SCN8A: variants seen among roughly 807,000 people sequenced by gnomAD.
The protein encoded by SCN8A is sodium channel protein type 8 subunit alpha.
In SCN8A, 30 loss-of-function variants were observed where a neutral mutation model predicts 184.1. The observed-to-expected ratio is 0.16, with a 90% CI of 0.12 to 0.22. SCN8A has a LOEUF of 0.22. Among genes scored for constraint, SCN8A ranks in the 10% least tolerant of loss-of-function variants. The pLI is 1.00. For synonymous variants in SCN8A, 852 were observed against 907.0 expected (o/e 0.94, Z 1.09); for missense variants, 1,057 against 2,498.9 (o/e 0.42, Z 12.30).
intron 26 of SCN8A, among the ~76,000 whole-genome samples, chr12:51,803,068 C>T (rs1458125570): frequency 6.6e-6 from 1 of 152,218 alleles, no homozygotes; most frequent in African/African-American, 2.4e-5. Flanking sequence ...TGAAGTCCCA[C>T]AGCAGGCCAT....
chr12:51,806,247 C>G lies in SCN8A; in HGVS notation c.4796-35C>G. On this transcript the variant is annotated intron_variant, in intron 26 of 26. Coordinates refer to ENST00000627620, the MANE Select transcript of SCN8A (RefSeq NM_001330260.2). This position sits in a 1 kb window ranked among gnomAD's most constrained non-coding sequence, Gnocchi z 8.7. ...AATAAAGAGAAAGGGTGTCTCCCAT[C>G]TCAATAACATAACTTCTTCTATTCC... 1 of 1,494,408 alleles carries G rather than the reference C, an allele frequency of 6.7e-7. No homozygotes were observed. Among genetic ancestry groups the G allele is most frequent in the Non-Finnish European group, 8.9e-7 (1 of 1,121,732 alleles). 92.6% of individuals were successfully genotyped at this position (1,494,408 alleles called of 1,614,324 possible). A position where few individuals can be genotyped will look rare whatever the true frequency, so the allele number is the denominator to read the frequency against.
At chr12:51,746,903 A>T (rs1256806400) in intron 13 of SCN8A, among the ~76,000 whole-genome samples, 1 of 152,128 alleles carries the variant, frequency 6.6e-6, no homozygotes, top group African/African-American at 2.4e-5. Flanking sequence ...ATTTATGTTG[A>T]TTTAGCTGAG....
chr12:51,653,383 G>A (rs1940758097), intron 1 of SCN8A, among the ~76,000 whole-genome samples: 1 of 152,062 alleles, frequency 6.6e-6, no homozygotes, highest in South Asian at 2.1e-4. Flanking sequence ...CTGTCTTTAT[G>A]CATTTGACTA....
At chr12:51,654,598 C>T (rs987337686) in intron 1 of SCN8A, among the ~76,000 whole-genome samples, 13 of 151,932 alleles carry the variant, frequency 8.6e-5, no homozygotes, top group African/African-American at 2.9e-4. Context: ...TATAGATTTG[C>T]AGTAAGTTTT....
intron 1 of SCN8A, among the ~76,000 whole-genome samples, chr12:51,592,324 A>G (rs928985417): frequency 2.0e-5 from 3 of 151,664 alleles, no homozygotes; most frequent in Non-Finnish European, 4.4e-5. Flanking sequence ...CTAACTTTCC[A>G]GGGGTTAGCC....
At chr12:51,675,199 C>T (rs904207233) in intron 2 of SCN8A, among the ~76,000 whole-genome samples, 5 of 152,148 alleles carry the variant, frequency 3.3e-5, no homozygotes, top group Non-Finnish European at 7.3e-5. Context: ...CCTGCCCTGC[C>T]CTGGGAAGCA....
At chr12:51,735,786 G>C (rs1942315711) in intron 12 of SCN8A, among the ~76,000 whole-genome samples, 1 of 152,152 alleles carries the variant, frequency 6.6e-6, no homozygotes, top group Non-Finnish European at 1.5e-5. Flanking sequence ...CTCGGCATCT[G>C]GCTCCTGATA....
At chr12:51,604,607 G>A (rs1459312595) in intron 1 of SCN8A, among the ~76,000 whole-genome samples, 2 of 151,954 alleles carry the variant, frequency 1.3e-5, no homozygotes, top group Non-Finnish European at 2.9e-5. Flanking sequence ...TCAGCTCACC[G>A]CAACCTCCGC....
At chr12:51,656,010 T>G (rs957552297) in intron 1 of SCN8A, among the ~76,000 whole-genome samples, 1 of 152,232 alleles carries the variant, frequency 6.6e-6, no homozygotes, top group South Asian at 2.1e-4. Flanking sequence ...ATATAACTTA[T>G]GGATGAAGCA....
chr12:51,640,509 A>G (rs548874803), intron 1 of SCN8A, among the ~76,000 whole-genome samples: 1 of 151,940 alleles, frequency 6.6e-6, no homozygotes, highest in African/African-American at 2.4e-5. Flanking sequence ...CCCAAGCAGC[A>G]ATAGGTAAGA....
intron 1 of SCN8A, among the ~76,000 whole-genome samples, chr12:51,622,590 G>C (rs1285594170): frequency 6.6e-6 from 1 of 152,194 alleles, no homozygotes; most frequent in Admixed American, 6.5e-5. Context: ...GACTACTACA[G>C]AGGTGAAGTG....
chr12:51,612,407 A>T (rs1164067936), intron 1 of SCN8A, among the ~76,000 whole-genome samples: 1 of 152,160 alleles, frequency 6.6e-6, no homozygotes, highest in African/African-American at 2.4e-5. Flanking sequence ...CAAGTGATCC[A>T]CTCACCTTGG....
chr12:51,597,681 CTTATT>C (rs1939378632), intron 1 of SCN8A, among the ~76,000 whole-genome samples: 1 of 152,080 alleles, frequency 6.6e-6, no homozygotes. Context: ...TTCTTCTCTC[CTTATT>C]TTAATAGTAT....
chr12:51,607,915 T>G (rs1051461724), intron 1 of SCN8A, among the ~76,000 whole-genome samples: 7 of 152,138 alleles, frequency 4.6e-5, no homozygotes, highest in African/African-American at 1.4e-4. Context: ...TTTTCTGGTT[T>G]TGGTATTAGG....
At chr12:51,700,942 T>G (rs531976861) in intron 7 of SCN8A, among the ~76,000 whole-genome samples, 122 of 152,340 alleles carry the variant, frequency 8.0e-4, no homozygotes, top group Non-Finnish European at 1.6e-3. Flanking sequence ...TCAAGAACTT[T>G]GGGATAGCAC....
intron 2 of SCN8A, among the ~76,000 whole-genome samples, chr12:51,670,955 A>G (rs1941120662): frequency 6.6e-6 from 1 of 152,202 alleles, no homozygotes; most frequent in Admixed American, 6.5e-5. Context: ...TTAGGGAAAC[A>G]CATAACAAAC....
At chr12:51,597,370 A>G (rs1313582955) in intron 1 of SCN8A, among the ~76,000 whole-genome samples, 1 of 152,168 alleles carries the variant, frequency 6.6e-6, no homozygotes, top group Non-Finnish European at 1.5e-5. Flanking sequence ...TCAGCTGATT[A>G]GTGTAGTTTT....
chr12:51,779,111 C>G (rs1212840771), intron 20 of SCN8A, among the ~76,000 whole-genome samples: 1 of 151,592 alleles, frequency 6.6e-6, no homozygotes, highest in East Asian at 1.9e-4. Flanking sequence ...GCTACTCACC[C>G]AGGAGGCTAA....
chr12:51,638,521 T>C (rs1025842762), intron 1 of SCN8A, among the ~76,000 whole-genome samples: 19 of 150,170 alleles, frequency 1.3e-4, no homozygotes, highest in African/African-American at 4.7e-4. Flanking sequence ...GGAGTCTCGC[T>C]CTGTCACCAG....
Sources: gnomAD v4.1 joint callset for allele counts (sites outside exome capture counted in the v4.1 genomes callset) on GRCh38, gnomAD v4.1.1 for gene constraint, Gnocchi (gnomAD v3.1) non-coding constraint, MANE v1.5 for transcripts, NCBI Gene and HGNC (gene_info 2026-07-23, HGNC 2026-07-21) for gene names.